Variants in EXOC4 observed in about 807,000 individuals in gnomAD.
EXOC4 encodes the protein SEC8-like 1.
In EXOC4, 71 loss-of-function variants were observed where a neutral mutation model predicts 107.2. The observed-to-expected ratio is 0.66, with a 90% CI of 0.55 to 0.81. EXOC4 has a LOEUF of 0.81. Among genes scored for constraint, EXOC4 ranks in the 30% least tolerant of loss-of-function variants. The probability of loss-of-function intolerance (pLI) is 0.00; values close to 1 mark genes in which losing one functional copy is unlikely to be tolerated. For missense variants in EXOC4, 1,108 were observed against 1,189.6 expected, an observed-to-expected ratio of 0.93 and a Z score of 1.01; for synonymous variants, 456 against 441.2, an observed-to-expected ratio of 1.03 and a Z score of -0.42.
At chr7:133,260,038 T>A (rs1292709322) in intron 1 of EXOC4, among the ~76,000 whole-genome samples, 1 of 72,268 alleles carries the variant, frequency 1.4e-5, no homozygotes, top group Admixed American at 1.2e-4. Context: ...TTCCAGTACT[T>A]TTTTTTTTGT....
intron 10 of EXOC4, among the ~76,000 whole-genome samples, chr7:133,650,040 A>G (rs1803101396): frequency 6.6e-6 from 1 of 152,198 alleles, no homozygotes; most frequent in Admixed American, 6.5e-5. Flanking sequence ...TAAATATACA[A>G]AACTACTCAA....
intron 17 of EXOC4, chr7:134,010,392 T>TG (rs1269084518): frequency 2.0e-5 from 3 of 152,230 alleles, no homozygotes; most frequent in African/African-American, 7.2e-5. Context: ...CAGTTCGTTC[T>TG]TTGTAAAACA....
rs1278910131 is a variant in EXOC4, at chr7:133,735,247, A to C, written c.1515-82078A>C. ...AAAAAAAAAAAAAAAAAAAAAAAAA[A>C]AAAAAGTTAAAGTACGGTTTGGTGT... On this transcript the variant is annotated intron_variant, in intron 10 of 17. Coordinates refer to ENST00000253861, the MANE Select transcript of EXOC4 (RefSeq NM_021807.4). Among the ~76,000 whole-genome samples the C allele has an allele frequency of 4.7e-5, 7 of 149,982 alleles. No homozygotes were observed. The South Asian group carries it at 1.3e-3, about 27-fold the overall frequency.
At chr7:133,590,515 C>T (rs564102344) in intron 9 of EXOC4, among the ~76,000 whole-genome samples, 3 of 152,186 alleles carry the variant, frequency 2.0e-5, no homozygotes, top group Middle Eastern at 3.4e-3. Flanking sequence ...CCTGCTCTGC[C>T]CCATCCTGTA....
At chr7:133,794,875 T>C (rs983656067) in intron 10 of EXOC4, among the ~76,000 whole-genome samples, 4 of 152,038 alleles carry the variant, frequency 2.6e-5, no homozygotes, top group Non-Finnish European at 4.4e-5. Context: ...ATGTGCCATA[T>C]TGGTGTGCTG....
intron 10 of EXOC4, among the ~76,000 whole-genome samples, chr7:133,702,222 A>G (rs1794675000): frequency 1.3e-5 from 2 of 151,668 alleles, no homozygotes; most frequent in African/African-American, 4.8e-5. Flanking sequence ...TAGTGAAAAA[A>G]TAATGTGTTC....
intron 10 of EXOC4, among the ~76,000 whole-genome samples, chr7:133,649,362 C>T (rs1449880948): frequency 1.3e-5 from 2 of 151,890 alleles, no homozygotes; most frequent in Non-Finnish European, 2.9e-5. Flanking sequence ...TGATAGGGTT[C>T]ATAGCCCAGC....
At chr7:133,751,819 A>G (rs1795799011) in intron 10 of EXOC4, among the ~76,000 whole-genome samples, 1 of 151,860 alleles carries the variant, frequency 6.6e-6, no homozygotes, top group Non-Finnish European at 1.5e-5. Flanking sequence ...CTACTCTATT[A>G]TATTCTCTGA....
At chr7:133,739,263 T>C (rs1795513265) in intron 10 of EXOC4, among the ~76,000 whole-genome samples, 1 of 149,796 alleles carries the variant, frequency 6.7e-6, no homozygotes, top group Non-Finnish European at 1.5e-5. Context: ...TGTGTGTGTG[T>C]ATAAAAAGAG....
At chr7:133,475,205 C>A in intron 7 of EXOC4, 123 bp from the exon 8 acceptor site, 1 of 731,596 alleles carries the variant, frequency 1.4e-6, no homozygotes, top group Non-Finnish European at 2.1e-6. Context: ...AAATGAATGA[C>A]CAGGTTAATA....
intron 5 of EXOC4, among the ~76,000 whole-genome samples, chr7:133,321,762 C>A (rs767434551): frequency 6.6e-6 from 1 of 152,084 alleles, no homozygotes; most frequent in African/African-American, 2.4e-5. Flanking sequence ...CAGGGTCAAA[C>A]GGTATTTTTG....
At chr7:133,936,405 A>T (rs547839127) in intron 13 of EXOC4, among the ~76,000 whole-genome samples, 2 of 152,344 alleles carry the variant, frequency 1.3e-5, no homozygotes, top group East Asian at 3.9e-4. Context: ...TCAATTAAGC[A>T]TCTTTCTATG....
chr7:133,936,826 A>AT (rs1441207379), intron 13 of EXOC4, among the ~76,000 whole-genome samples: 1 of 151,858 alleles, frequency 6.6e-6, no homozygotes. Flanking sequence ...CGCCTGGCTA[A>AT]TTTTTTGTAT....
chr7:134,095,691 T>C, the EXOC4 span, among the ~76,000 whole-genome samples: 1 of 152,086 alleles, frequency 6.6e-6, no homozygotes, highest in Non-Finnish European at 1.5e-5. Context: ...TCTAATCTTC[T>C]ACAAAGTTGA....
At chr7:133,416,865 C>T (rs1797487970) in intron 7 of EXOC4, among the ~76,000 whole-genome samples, 1 of 152,054 alleles carries the variant, frequency 6.6e-6, no homozygotes, top group African/African-American at 2.4e-5. Context: ...ACGGTGAGTG[C>T]CCTCCTGTTG....
chr7:133,498,368 G>A (rs1584960085), intron 9 of EXOC4, among the ~76,000 whole-genome samples: 1 of 152,076 alleles, frequency 6.6e-6, no homozygotes, highest in Non-Finnish European at 1.5e-5. Flanking sequence ...GGTGGATCAC[G>A]AGGTGAGGAG....
At chr7:133,265,457 G>A (rs140780758) in intron 1 of EXOC4, among the ~76,000 whole-genome samples, 2 of 152,116 alleles carry the variant, frequency 1.3e-5, no homozygotes, top group East Asian at 3.9e-4. Context: ...AAGGTAGCAC[G>A]GATTGGGTGG....
chr7:133,998,389 T>C lies in EXOC4; in HGVS notation c.2348+756T>C, dbSNP rs80239127. On this transcript the variant is annotated intron_variant, in intron 15 of 17. Coordinates refer to ENST00000253861, the MANE Select transcript of EXOC4 (RefSeq NM_021807.4). ...TGGGGCTGACTAGGAATGGGATTCT[T>C]TTCTTTAAGATAAAATGGTCAGAAG... Among the ~76,000 whole-genome samples the C allele has an allele frequency of 5.0e-3, 765 of 152,300 alleles. 5 individuals are homozygous for C. The highest frequency in any genetic ancestry group is 0.017 in the African/African-American group (705 of 41,564).
chr7:133,393,409 T>C (rs367666795), intron 7 of EXOC4, among the ~76,000 whole-genome samples: 1 of 152,182 alleles, frequency 6.6e-6, no homozygotes, highest in Non-Finnish European at 1.5e-5. Context: ...TTTGGCAGTA[T>C]GCACTTAATA....
Sources: allele counts gnomAD v4.1 joint callset (sites outside exome capture counted in the v4.1 genomes callset), GRCh38; gene constraint gnomAD v4.1.1; transcripts MANE v1.5; gene names NCBI Gene and HGNC (gene_info 2026-07-23, HGNC 2026-07-21).